CCDC171: variants seen among roughly 807,000 people sequenced by gnomAD.
CCDC171 encodes the protein coiled-coil domain-containing protein 171.
CCDC171 carries 177 observed loss-of-function variants against 168.2 expected under a neutral mutation model. The observed-to-expected ratio is 1.05, with a 90% CI of 0.93 to 1.19. CCDC171 has a LOEUF of 1.19. CCDC171 is among the 50% of genes most tolerant of loss of function. The probability of loss-of-function intolerance (pLI) is 0.00; values close to 1 mark genes in which losing one functional copy is unlikely to be tolerated. For missense variants in CCDC171, 1,991 were observed against 1,539.0 expected (o/e 1.29, Z -4.91); for synonymous variants, 687 against 540.8 (o/e 1.27, Z -3.75).
At chr9:16,002,865 C>CAG (rs1431833428) in intron 3 of CCDC171, among the ~76,000 whole-genome samples, 1 of 152,120 alleles carries the variant, frequency 6.6e-6, no homozygotes, top group African/African-American at 2.4e-5. Context: ...TTACAACTGC[C>CAG]TACAGTATTC....
chr9:15,980,145 A>G (rs1330525005), intron 3 of CCDC171, among the ~76,000 whole-genome samples: 3 of 152,196 alleles, frequency 2.0e-5, no homozygotes, highest in Admixed American at 6.5e-5. Flanking sequence ...ATGTAATAAT[A>G]CAAAGCATCT....
intron 24 of CCDC171, chr9:15,889,018 G>A (rs1342286730): frequency 7.7e-6 from 1 of 129,892 alleles, no homozygotes; most frequent in African/African-American, 2.9e-5. Context: ...GAGTGCAGCA[G>A]TGCGATCTCA....
intron 7 of CCDC171, 55 bp from the exon 8 acceptor site, chr9:15,657,072 C>A: frequency 1.0e-6 from 1 of 973,392 alleles, no homozygotes; most frequent in East Asian, 2.4e-5. Flanking sequence ...TGTAGTGATC[C>A]ATATCTTCTT....
chr9:15,590,187 G>A (rs1563998350), intron 4 of CCDC171, among the ~76,000 whole-genome samples: 1 of 152,172 alleles, frequency 6.6e-6, no homozygotes, highest in Non-Finnish European at 1.5e-5. Flanking sequence ...ATGTCTTCTG[G>A]AGATGGCAGC....
chr9:15,568,606 G>A (rs2039948750), intron 2 of CCDC171, among the ~76,000 whole-genome samples: 1 of 152,132 alleles, frequency 6.6e-6, no homozygotes, highest in South Asian at 2.1e-4. Context: ...CATTCTGACT[G>A]GTGTGAGATG....
intron 11 of CCDC171, among the ~76,000 whole-genome samples, chr9:15,718,544 A>G (rs750830658): frequency 1.9e-4 from 29 of 152,230 alleles, no homozygotes; most frequent in Non-Finnish European, 3.4e-4. Flanking sequence ...TGCTGGCTTC[A>G]GGTTTGACCT....
At chr9:15,928,860 T>A (rs75589100) in intron 25 of CCDC171, among the ~76,000 whole-genome samples, 85 of 151,800 alleles carry the variant, frequency 5.6e-4, no homozygotes, top group African/African-American at 1.9e-3. Context: ...AAGAGTTGTT[T>A]GTATAGGAAA....
At chr9:15,824,824 C>T (rs2059946014) in intron 21 of CCDC171, among the ~76,000 whole-genome samples, 1 of 151,992 alleles carries the variant, frequency 6.6e-6, no homozygotes. Context: ...CTCTGGTGGT[C>T]AAGTAGTTGC....
At chr9:16,048,695 G>A (rs1471299025) in intron 1 of CCDC171, among the ~76,000 whole-genome samples, 3 of 148,778 alleles carry the variant, frequency 2.0e-5, no homozygotes, top group Non-Finnish European at 4.4e-5. Flanking sequence ...AAGAAATAAA[G>A]AAATAGGCAG....
intron 18 of CCDC171, among the ~76,000 whole-genome samples, chr9:15,752,452 A>T (rs984325108): frequency 6.6e-6 from 1 of 152,054 alleles, no homozygotes; most frequent in Non-Finnish European, 1.5e-5. Context: ...ACATGCACAC[A>T]TATGTTTATT....
intron 2 of CCDC171, among the ~76,000 whole-genome samples, 194 bp from the exon 3 acceptor site, chr9:15,571,430 C>A (rs1289704676): frequency 6.6e-6 from 1 of 151,882 alleles, no homozygotes; most frequent in Non-Finnish European, 1.5e-5. Flanking sequence ...AGGTATCTAT[C>A]TATATATATA....
rs1828675054 is a variant in CCDC171 at position 15,948,215 on chromosome 9, C to T, written c.3754-23394C>T. 3.3e-5 allele frequency among the ~76,000 whole-genome samples: 5 copies of T among 150,934 alleles called. No individual in the cohort carries two copies. In the South Asian group the frequency reaches 1.1e-3, roughly 32 times the overall value. On this transcript the variant is annotated intron_variant, in intron 25 of 25. Coordinates refer to ENST00000380701, the MANE Select transcript of CCDC171 (RefSeq NM_173550.4). ...GCATATGTGCCACATTTTCTTAATCCAGTCTATCGTTGTTGGACATTTGGG... is the reference window on the plus strand; with the variant it reads ...GCATATGTGCCACATTTTCTTAATCTAGTCTATCGTTGTTGGACATTTGGG...
downstream of CCDC171, among the ~76,000 whole-genome samples, chr9:15,975,436 T>G (rs1163164121): frequency 6.6e-6 from 1 of 152,244 alleles, no homozygotes; most frequent in Non-Finnish European, 1.5e-5. Context: ...ATGTTTTGGT[T>G]TGAAATCTAG....
intron 6 of CCDC171, among the ~76,000 whole-genome samples, chr9:16,024,063 A>C (rs1358304495): frequency 2.0e-5 from 3 of 152,198 alleles, no homozygotes; most frequent in African/African-American, 7.2e-5. Flanking sequence ...CACTTTGAAG[A>C]TGGAGGAAGG....
At chr9:15,818,335 G>A (rs1319167567) in intron 21 of CCDC171, among the ~76,000 whole-genome samples, 1 of 118,324 alleles carries the variant, frequency 8.5e-6, no homozygotes, top group Non-Finnish European at 1.9e-5. Flanking sequence ...ACGGACCAAA[G>A]CTGGACAGAG....
intron 25 of CCDC171, 141 bp from the exon 26 acceptor site, chr9:15,971,468 C>T: frequency 1.7e-6 from 1 of 589,150 alleles, no homozygotes; most frequent in African/African-American, 1.9e-5. Flanking sequence ...TATATATTCT[C>T]ATGTAGATTA....
upstream of CCDC171, among the ~76,000 whole-genome samples, chr9:16,039,843 C>T (rs997692343): frequency 6.6e-5 from 10 of 152,062 alleles, no homozygotes; most frequent in Admixed American, 1.3e-4. Flanking sequence ...ATCTTCCTTG[C>T]TTCTGTGTGT....
chr9:15,902,661 A>T (rs1200581058), intron 24 of CCDC171, among the ~76,000 whole-genome samples: 1 of 152,162 alleles, frequency 6.6e-6, no homozygotes, highest in African/African-American at 2.4e-5. Flanking sequence ...GGTTCATCTC[A>T]CTGGCGAGTG....
At chr9:15,676,008 C>G (rs1470697569) in intron 9 of CCDC171, among the ~76,000 whole-genome samples, 2 of 152,186 alleles carry the variant, frequency 1.3e-5, no homozygotes, top group East Asian at 1.9e-4. Flanking sequence ...TTCAGGTACA[C>G]CAATCAAATG....
Sources: gnomAD v4.1 joint callset for allele counts (sites outside exome capture counted in the v4.1 genomes callset) on GRCh38, gnomAD v4.1.1 for gene constraint, MANE v1.5 for transcripts, NCBI Gene and HGNC (gene_info 2026-07-23, HGNC 2026-07-21) for gene names.